Variants in LYPLAL1 observed in about 807,000 individuals in gnomAD.
LYPLAL1 encodes lysophospholipase like 1.
LYPLAL1 carries 23 observed loss-of-function variants against 19.7 expected under a neutral mutation model. The observed-to-expected ratio is 1.17, with a 90% CI of 0.84 to 1.65. LYPLAL1 has a LOEUF of 1.65. LYPLAL1 is among the 40% of genes most tolerant of loss of function. The probability of loss-of-function intolerance (pLI) is 0.00; values close to 1 mark genes in which losing one functional copy is unlikely to be tolerated. For synonymous variants in LYPLAL1, 119 were observed against 96.3 expected, an observed-to-expected ratio of 1.24 and a Z score of -1.38; for missense variants, 355 against 279.4, an observed-to-expected ratio of 1.27 and a Z score of -1.93.
At chr1:219,428,750 C>T in the LYPLAL1 span, among the ~76,000 whole-genome samples, 5 of 152,298 alleles carry the variant, frequency 3.3e-5, no homozygotes, top group East Asian at 9.6e-4. Context: ...TTTTTTCAAA[C>T]GCATTTTTCA....
chr1:219,274,323 T>C, the LYPLAL1 span, among the ~76,000 whole-genome samples: 1 of 152,120 alleles, frequency 6.6e-6, no homozygotes, highest in East Asian at 1.9e-4. Flanking sequence ...CACCCAGAAA[T>C]GATAAAATAG....
chr1:219,349,617 A>G, the LYPLAL1 span, among the ~76,000 whole-genome samples: 1 of 152,128 alleles, frequency 6.6e-6, no homozygotes, highest in Non-Finnish European at 1.5e-5. Context: ...ACTCATGTGC[A>G]TATGTGTGTA....
At position 219,212,293 on chromosome 1, in the gene LYPLAL1, T is replaced by G. The variant is rs1211056461; in HGVS notation, c.*565T>G. 1 of 152,098 alleles carries G rather than the reference T, an allele frequency of 6.6e-6. No homozygotes were observed. The highest frequency in any genetic ancestry group is 1.5e-5 in the Non-Finnish European group (1 of 67,972). The allele number at this position is 152,098 out of a possible 1,614,324, so 9.4% of individuals were successfully genotyped here. A position where few individuals can be genotyped will look rare whatever the true frequency, so the allele number is the denominator to read the frequency against. Reference sequence around the variant, plus strand: ...GTCAAGACAAGAAATTCAGGTCTCCTAATTCTCAGTGGAGCTCTATTTCTG... The same window carrying G: ...GTCAAGACAAGAAATTCAGGTCTCCGAATTCTCAGTGGAGCTCTATTTCTG... On this transcript the variant is annotated 3_prime_UTR_variant, in exon 5 of 5. Transcript: ENST00000366928.
the LYPLAL1 span, among the ~76,000 whole-genome samples, chr1:219,346,747 G>T: frequency 6.6e-6 from 1 of 151,948 alleles, no homozygotes; most frequent in Admixed American, 6.6e-5. Context: ...ATAAGTGGGG[G>T]GCCATAAAAA....
intron 2 of LYPLAL1, among the ~76,000 whole-genome samples, chr1:219,184,373 A>G (rs1656550607): frequency 6.6e-6 from 1 of 151,884 alleles, no homozygotes; most frequent in Non-Finnish European, 1.5e-5. Context: ...ATGTCCTTGT[A>G]TCCTTCTATC....
chr1:219,434,351 T>A, the LYPLAL1 span, among the ~76,000 whole-genome samples: 22 of 152,326 alleles, frequency 1.4e-4, no homozygotes, highest in African/African-American at 5.3e-4. Flanking sequence ...AATCTATAGT[T>A]AAATGCTGTT....
the LYPLAL1 span, among the ~76,000 whole-genome samples, chr1:219,409,294 CA>C: frequency 8.5e-5 from 13 of 152,100 alleles, 1 homozygote; most frequent in East Asian, 2.5e-3. Context: ...ACAAAAAGTA[CA>C]AAAATTAGCC....
At chr1:219,197,793 C>A (rs553715044) in intron 3 of LYPLAL1, among the ~76,000 whole-genome samples, 15 of 152,050 alleles carry the variant, frequency 9.9e-5, no homozygotes, top group Admixed American at 7.2e-4. Flanking sequence ...AAAAGAAAAC[C>A]CCATTAAAAG....
chr1:219,340,779 G>A, the LYPLAL1 span, among the ~76,000 whole-genome samples: 1 of 152,034 alleles, frequency 6.6e-6, no homozygotes, highest in African/African-American at 2.4e-5. Context: ...AACATTAAAA[G>A]GATCATCATT....
At chr1:219,377,588 A>T in the LYPLAL1 span, among the ~76,000 whole-genome samples, 1 of 152,178 alleles carries the variant, frequency 6.6e-6, no homozygotes, top group African/African-American at 2.4e-5. Context: ...TTACAAAAGG[A>T]CTCACCTGTA....
intron 1 of LYPLAL1, among the ~76,000 whole-genome samples, chr1:219,178,205 G>A (rs1447211071): frequency 1.3e-5 from 2 of 152,168 alleles, no homozygotes; most frequent in Admixed American, 6.5e-5. Context: ...CATAAACCCA[G>A]TCAGTTGTGA....
chr1:219,438,102 G>T, the LYPLAL1 span, among the ~76,000 whole-genome samples: 288 of 152,196 alleles, frequency 1.9e-3, 2 homozygotes, highest in African/African-American at 6.5e-3. Flanking sequence ...AGGAAAAAAG[G>T]ACCCCTCTTA....
At chr1:219,426,393 A>G in the LYPLAL1 span, among the ~76,000 whole-genome samples, 1 of 152,154 alleles carries the variant, frequency 6.6e-6, no homozygotes, top group Non-Finnish European at 1.5e-5. Flanking sequence ...GAGAAGTTTC[A>G]TAGGAAAAAA....
At chr1:219,360,240 A>G in the LYPLAL1 span, among the ~76,000 whole-genome samples, 1 of 152,228 alleles carries the variant, frequency 6.6e-6, no homozygotes, top group Non-Finnish European at 1.5e-5. Flanking sequence ...CAAGTTCGGT[A>G]TGCTTTTAGC....
In LYPLAL1 at chr1:219,212,254, C is replaced by T. The variant is rs1055080471; in HGVS notation, c.*526C>T. 1 of 151,992 alleles carries T rather than the reference C, an allele frequency of 6.6e-6. No homozygotes were observed. Among genetic ancestry groups the T allele is most frequent in the Non-Finnish European group, 1.5e-5 (1 of 67,942 alleles). 9.4% of individuals were successfully genotyped at this position (151,992 alleles called of 1,614,324 possible). A position where few individuals can be genotyped will look rare whatever the true frequency, so the allele number is the denominator to read the frequency against. On this transcript the variant is annotated 3_prime_UTR_variant, in exon 5 of 5. Coordinates refer to ENST00000366928, the MANE Select transcript of LYPLAL1 (RefSeq NM_138794.5). ...TAGCAATAGAGGAGTTAAAGACTTT[C>T]CCACAGCTTGCAGGTCAAGACAAGA...
chr1:219,342,613 G>A, the LYPLAL1 span, among the ~76,000 whole-genome samples: 1 of 152,126 alleles, frequency 6.6e-6, no homozygotes, highest in African/African-American at 2.4e-5. Context: ...CCCCTTCACA[G>A]TTCTTAGCAC....
At chr1:219,436,540 G>C in the LYPLAL1 span, among the ~76,000 whole-genome samples, 1 of 152,092 alleles carries the variant, frequency 6.6e-6, no homozygotes, top group African/African-American at 2.4e-5. Context: ...AGTCTTGAAG[G>C]GGGAAGGAGT....
chr1:219,179,026 T>C (rs1029821736), intron 1 of LYPLAL1, 121 bp from the exon 2 acceptor site: 2 of 573,108 alleles, frequency 3.5e-6, no homozygotes, highest in Non-Finnish European at 6.0e-6. Context: ...GTTATTATGA[T>C]GTATGGAGCT....
downstream of LYPLAL1, among the ~76,000 whole-genome samples, chr1:219,217,413 A>G (rs1292731456): frequency 1.6e-3 from 40 of 25,016 alleles, no homozygotes; most frequent in East Asian, 4.6e-3. Context: ...TGTGTGAGAG[A>G]TGGTTGTAAA....
Sources: allele counts gnomAD v4.1 joint callset (sites outside exome capture counted in the v4.1 genomes callset), GRCh38; gene constraint gnomAD v4.1.1; transcripts MANE v1.5; gene names NCBI Gene and HGNC (gene_info 2026-07-23, HGNC 2026-07-21).